Variants in GLIS1 observed in about 807,000 individuals in gnomAD.
GLIS1 encodes the protein zinc finger protein GLIS1.
Under a neutral mutation model 63.8 loss-of-function variants are expected in GLIS1, and 24 were observed. That is an observed-to-expected ratio of 0.38 (90% CI 0.27 to 0.53). GLIS1 has a LOEUF of 0.53. GLIS1 is among the 20% of genes least tolerant of loss of function. The pLI, the probability that GLIS1 is intolerant of heterozygous loss-of-function variation, is 0.85. For synonymous variants in GLIS1, 450 were observed against 482.5 expected (o/e 0.93, Z 0.88); for missense variants, 1,036 against 1,074.1 (o/e 0.96, Z 0.50).
rs1645767824 is a variant in GLIS1, at chr1:53,639,909, C to T, written c.260-39631G>A. On this transcript the variant is annotated intron_variant, in intron 2 of 10. Coordinates refer to ENST00000628545, the MANE Select transcript of GLIS1 (RefSeq NM_001367484.1). The surrounding 1 kb of genome is among the most constrained non-coding windows in gnomAD (Gnocchi z 4.6). ...CTGCTAATAGTCCTGGGTTCAAATC[C>T]CAAGTCTGATACGTCACTGAGCCTC... Among the ~76,000 whole-genome samples the T allele has an allele frequency of 6.6e-6, 1 of 152,084 alleles. No homozygotes were observed. The highest frequency in any genetic ancestry group is 2.4e-5 in the African/African-American group (1 of 41,398).
chr1:53,588,488 C>A (rs1645158062), intron 4 of GLIS1, among the ~76,000 whole-genome samples: 1 of 152,204 alleles, frequency 6.6e-6, no homozygotes, highest in Non-Finnish European at 1.5e-5. Flanking sequence ...GGGCCCCTGA[C>A]CACCCTCTCT....
At chr1:53,525,166 G>C (rs923456034) in intron 5 of GLIS1, among the ~76,000 whole-genome samples, 1 of 152,000 alleles carries the variant, frequency 6.6e-6, no homozygotes, top group Non-Finnish European at 1.5e-5. Context: ...GCCATCTGAG[G>C]TCTAAGGGTT....
intron 2 of GLIS1, among the ~76,000 whole-genome samples, chr1:53,654,580 G>A (rs1188886845): frequency 6.6e-6 from 1 of 152,234 alleles, no homozygotes; most frequent in Non-Finnish European, 1.5e-5. Context: ...AGAAAGGTCA[G>A]TGAGATGGTG....
intron 2 of GLIS1, among the ~76,000 whole-genome samples, chr1:53,663,638 T>C (rs907772691): frequency 6.6e-6 from 1 of 152,138 alleles, no homozygotes. Context: ...GAGTGAGCCA[T>C]CCCTTTCTGG....
At chr1:53,593,600 C>T (rs1297173090) in intron 4 of GLIS1, among the ~76,000 whole-genome samples, 5 of 152,232 alleles carry the variant, frequency 3.3e-5, no homozygotes, top group Admixed American at 6.5e-5. Context: ...CTGCAGCTCT[C>T]GAGCCGGGTG....
At chr1:53,594,068 G>T in intron 4 of GLIS1, 40 bp downstream of exon 4, 1 of 1,571,454 alleles carries the variant, frequency 6.4e-7, no homozygotes. Context: ...TGCTCTGCCA[G>T]AGGGGCTGGG....
intron 4 of GLIS1, among the ~76,000 whole-genome samples, chr1:53,542,646 A>C (rs1409769302): frequency 6.6e-6 from 1 of 152,216 alleles, no homozygotes; most frequent in East Asian, 1.9e-4. Flanking sequence ...TCCAGCTGGG[A>C]CAGGGACATT....
At chr1:53,590,734 A>G (rs1202400180) in intron 4 of GLIS1, among the ~76,000 whole-genome samples, 1 of 152,120 alleles carries the variant, frequency 6.6e-6, no homozygotes, top group Non-Finnish European at 1.5e-5. Flanking sequence ...ATAACAGGAT[A>G]TTGCAAAAAG....
chr1:53,509,427 G>C, intron 9 of GLIS1, 140 bp from the exon 10 acceptor site: 1 of 951,596 alleles, frequency 1.1e-6, no homozygotes, highest in Non-Finnish European at 1.5e-6. Flanking sequence ...GAGGGCCCAG[G>C]GCAGAGGAGG....
chr1:53,651,322 C>T (rs77802645), intron 2 of GLIS1, among the ~76,000 whole-genome samples: 2,183 of 152,284 alleles, frequency 0.014, 26 homozygotes, highest in Admixed American at 0.025. Context: ...AGCAGTTGGC[C>T]GTGAATGCCT....
intron 2 of GLIS1, among the ~76,000 whole-genome samples, chr1:53,694,722 C>T (rs940645195): frequency 2.6e-5 from 4 of 152,338 alleles, no homozygotes; most frequent in African/African-American, 9.6e-5. Flanking sequence ...GTGGGGCACA[C>T]AGCACAGTCC....
intron 5 of GLIS1, 112 bp from the exon 6 acceptor site, chr1:53,524,999 A>C: frequency 1.3e-6 from 1 of 787,000 alleles, no homozygotes. Context: ...CTGCAGGCCA[A>C]GAGTACTCTG....
chr1:53,570,238 TCC>T (rs1184269709), intron 4 of GLIS1, among the ~76,000 whole-genome samples: 1 of 151,712 alleles, frequency 6.6e-6, no homozygotes, highest in Non-Finnish European at 1.5e-5. Context: ...TACCTCAGCC[TCC>T]CAAGTCACTG....
At chr1:53,694,360 G>A (rs1236150526) in intron 2 of GLIS1, among the ~76,000 whole-genome samples, 1 of 152,156 alleles carries the variant, frequency 6.6e-6, no homozygotes, top group Non-Finnish European at 1.5e-5. Flanking sequence ...CTCACCCTGT[G>A]GACTCAAGTC....
intron 2 of GLIS1, among the ~76,000 whole-genome samples, chr1:53,614,418 C>T (rs545826554): frequency 1.7e-4 from 26 of 152,132 alleles, no homozygotes; most frequent in Admixed American, 4.6e-4. Flanking sequence ...GGCTGGAGTG[C>T]GTTCCAGGGC....
intron 8 of GLIS1, among the ~76,000 whole-genome samples, chr1:53,513,299 C>T (rs1644316836): frequency 6.6e-6 from 1 of 152,158 alleles, no homozygotes; most frequent in African/African-American, 2.4e-5. Context: ...CCACAGTCCA[C>T]CCCACCCCTG....
intron 2 of GLIS1, among the ~76,000 whole-genome samples, chr1:53,622,905 A>T (rs1020889157): frequency 1.3e-5 from 2 of 151,892 alleles, no homozygotes; most frequent in Non-Finnish European, 2.9e-5. Flanking sequence ...CATGCTTTTT[A>T]AAAAAATTAT....
chr1:53,506,722 G>A lies in GLIS1; in HGVS notation c.2285C>T (p.Ser762Phe). 1 of 1,613,266 alleles carries A rather than the reference G, an allele frequency of 6.2e-7. No individual in the cohort carries two copies. Residue 762 changes from serine (S) to phenylalanine (F), a missense_variant, in exon 11 of 11, where the codon TCT becomes TTT. Ser to Phe is a radical substitution (Grantham distance 155). This residue lies in a region of GLIS1 where 400 missense variants were observed against 400.9 expected (regional missense o/e 1.00). Coordinates refer to ENST00000628545, the MANE Select transcript of GLIS1 (RefSeq NM_001367484.1). Reference sequence around the variant, plus strand: ...GGGGCCGCTGGACACCACATCTTCAGATGGCTGCTGTGGCAGCGCTGTGGG... The same window carrying A: ...GGGGCCGCTGGACACCACATCTTCAAATGGCTGCTGTGGCAGCGCTGTGGG... ...SCPTALPQQP[S>F]EDVVSSGPED... is the part of the protein sequence containing the mutation.
chr1:53,558,928 C>T (rs1450288708), intron 4 of GLIS1, among the ~76,000 whole-genome samples: 1 of 152,186 alleles, frequency 6.6e-6, no homozygotes, highest in Non-Finnish European at 1.5e-5. Flanking sequence ...CTCCTGTGAT[C>T]GTGGTGCTCT....
Sources: gnomAD v4.1 joint callset for allele counts (sites outside exome capture counted in the v4.1 genomes callset) on GRCh38, gnomAD v4.1.1 for gene constraint, gnomAD v4.1.1 regional missense constraint, Gnocchi (gnomAD v3.1) non-coding constraint, MANE v1.5 for transcripts, NCBI Gene and HGNC (gene_info 2026-07-23, HGNC 2026-07-21) for gene names.